RANBP10: variants seen among roughly 807,000 people sequenced by gnomAD.
RANBP10 encodes the protein RAN binding protein 10, also known as ran-binding protein 10.
RANBP10 carries 24 observed loss-of-function variants against 72.8 expected under a neutral mutation model. The observed-to-expected ratio is 0.33, with a 90% CI of 0.24 to 0.46. The LOEUF is 0.46. Ranked by LOEUF, RANBP10 falls within the 20% of genes least tolerant of loss-of-function variation. The pLI is 1.00. For missense variants in RANBP10, 679 were observed against 817.5 expected, an observed-to-expected ratio of 0.83 and a Z score of 2.07; for synonymous variants, 310 against 322.3, an observed-to-expected ratio of 0.96 and a Z score of 0.41.
At chr16:67,731,062 T>G (rs2053720741) in intron 7 of RANBP10, 1 of 212,594 alleles carries the variant, frequency 4.7e-6, no homozygotes. Context: ...TTGCCCTATC[T>G]GACCACTTCA....
Position 67,727,319 on chromosome 16 carries a change from T to A in RANBP10, c.1732+8A>T, listed in dbSNP as rs1248561135. ...TCTCTAATAATAATAATAAATAGAT[T>A]CACTCACCTAAAATGGCGCTGTTGA... On this transcript the variant is annotated splice_region_variant and intron_variant, in intron 13 of 13. Coordinates refer to ENST00000317506, the MANE Select transcript of RANBP10 (RefSeq NM_020850.3). The A allele has an allele frequency of 6.2e-7, 1 of 1,601,416 alleles. No individual in the cohort carries two copies. The highest frequency in any genetic ancestry group is 8.5e-7 in the Non-Finnish European group (1 of 1,174,618).
At chr16:67,783,180 G>GC (rs899948633) in intron 2 of RANBP10, among the ~76,000 whole-genome samples, 2 of 152,090 alleles carry the variant, frequency 1.3e-5, no homozygotes, top group African/African-American at 4.8e-5. Context: ...GAGCACACAC[G>GC]CAGGAGACCC....
intron 2 of RANBP10, among the ~76,000 whole-genome samples, chr16:67,779,258 G>A (rs957858099): frequency 6.6e-6 from 1 of 152,054 alleles, no homozygotes; most frequent in African/African-American, 2.4e-5. Context: ...AACCAGACAT[G>A]GTAGTGCACA....
chr16:67,739,251 C>T lies in RANBP10; in HGVS notation c.569-1216G>A, dbSNP rs189087913. Among the ~76,000 whole-genome samples, 184 of 152,332 alleles carry T rather than the reference C, an allele frequency of 1.2e-3. 8 individuals are homozygous for T. In the East Asian group the frequency reaches 0.026, roughly 22 times the overall value. ...AAAGTGCTGGGATTACAGGTGTGAG[C>T]TACCGCACCTCGCCCCTTTTCCATC... On this transcript the variant is annotated intron_variant, in intron 4 of 13. Transcript: ENST00000317506.
chr16:67,793,198 AAGCATAGCAGTGTGTG>A (rs2055061282), intron 2 of RANBP10, among the ~76,000 whole-genome samples: 3 of 152,088 alleles, frequency 2.0e-5, no homozygotes, highest in Admixed American at 6.6e-5. Context: ...TGAAGCACAC[AAGCATAGCAGTGTGTG>A]AACACCACAA....
intron 3 of RANBP10, among the ~76,000 whole-genome samples, chr16:67,754,797 G>A (rs1208341537): frequency 6.6e-6 from 1 of 152,172 alleles, no homozygotes; most frequent in African/African-American, 2.4e-5. Flanking sequence ...TGTTCTTCCC[G>A]TGATAGGCCC....
At chr16:67,754,878 G>T (rs964127576) in intron 3 of RANBP10, among the ~76,000 whole-genome samples, 1 of 152,300 alleles carries the variant, frequency 6.6e-6, no homozygotes, top group Admixed American at 6.5e-5. Flanking sequence ...GAGGGAGTAG[G>T]CATGGTTGTC....
At chr16:67,787,847 A>C (rs2054944112) in intron 2 of RANBP10, among the ~76,000 whole-genome samples, 1 of 151,884 alleles carries the variant, frequency 6.6e-6, no homozygotes, top group Admixed American at 6.6e-5. Context: ...GAAAAAAAAA[A>C]ATTTTTTTTT....
intron 3 of RANBP10, among the ~76,000 whole-genome samples, chr16:67,753,571 T>C (rs2054235059): frequency 6.6e-6 from 1 of 152,152 alleles, no homozygotes; most frequent in Non-Finnish European, 1.5e-5. Context: ...GGGTAGTCAA[T>C]TGAGTTCTTG....
In RANBP10 at chr16:67,729,255, G is replaced by A. The variant is rs549288190; in HGVS notation, c.1352+25C>T. 2.1e-4 allele frequency: 332 copies of A among 1,609,594 alleles called. 7 individuals carry two copies. The South Asian group carries it at 3.5e-3, about 17-fold the overall frequency. On this transcript the variant is annotated intron_variant, in intron 10 of 13. Coordinates refer to ENST00000317506, the MANE Select transcript of RANBP10 (RefSeq NM_020850.3). This position sits in a 1 kb window ranked among gnomAD's most constrained non-coding sequence, Gnocchi z 7.1. ...CAGCTGGCATAAGGCAGAAGGCAGA[G>A]GAGGAAGCAGAGCAAGGCAGGCACC...
At position 67,731,253 on chromosome 16, in the gene RANBP10, G is replaced by A. The variant is rs2053724123; in HGVS notation, c.889+219C>T. On this transcript the variant is annotated intron_variant, in intron 7 of 13. Transcript: ENST00000317506. ...GGCCTGCGCCCAGCCTTCAGAATGT[G>A]CATTAGGGAGGCTGCCCTGAGACGT... is the stretch of plus-strand genomic sequence containing the variant. 24 of 506,674 alleles carry A rather than the reference G, an allele frequency of 4.7e-5. 1 individual carries two copies. In the South Asian group the frequency reaches 5.0e-4, roughly 11 times the overall value. The allele number at this position is 506,674 out of a possible 1,614,324, so 31.4% of individuals were successfully genotyped here.
At position 67,729,314 on chromosome 16, in the gene RANBP10, G is replaced by A. The variant is rs754350542; in HGVS notation, c.1318C>T (p.Gln440Ter). ...TGGTTACTGGTACTGCTGTGGTGCT[G>A]GGACTTGGTGGAGTCTGTTGAGTTG... The part of the protein sequence containing the change: ...ESNSTDSTKS[Q>*]HHSSTSNQET... Residue 440 changes from glutamine to a stop codon, truncating the protein, a stop_gained, in exon 10 of 14, where the codon CAG becomes TAG. Coordinates refer to ENST00000317506, the MANE Select transcript of RANBP10 (RefSeq NM_020850.3). LOFTEE classifies it high-confidence loss of function. The surrounding 1 kb of genome is among the most constrained non-coding windows in gnomAD (Gnocchi z 7.1). 1.9e-6 allele frequency: 3 copies of A among 1,612,576 alleles called. No individual in the cohort carries two copies. The highest frequency in any genetic ancestry group is 2.5e-6 in the Non-Finnish European group (3 of 1,179,610).
chr16:67,763,410 G>T (rs1156492799), intron 3 of RANBP10: 3 of 152,284 alleles, frequency 2.0e-5, no homozygotes, highest in African/African-American at 7.2e-5. Flanking sequence ...CGAGGATCCG[G>T]TTTTTGCAGG....
chr16:67,806,529 G>A lies in RANBP10; in HGVS notation c.8C>T (p.Ala3Val). MA[A>V]ATADPGAGNP... ...CCCAGCTCCCGGGTCTGCCGTCGCT[G>A]CCGCCATCTTGGAGGGAGCTACTAT... Residue 3 changes from alanine (A) to valine (V), a missense_variant, in exon 1 of 14, where the codon GCA becomes GTA. Ala to Val is a moderately conservative substitution (Grantham distance 64). Coordinates refer to ENST00000317506, the MANE Select transcript of RANBP10 (RefSeq NM_020850.3). 3.3e-6 allele frequency: 5 copies of A among 1,507,094 alleles called. No homozygotes were observed. Among genetic ancestry groups the A allele is most frequent in the African/African-American group, 1.4e-5 (1 of 71,758 alleles). The allele number at this position is 1,507,094 out of a possible 1,614,324, so 93.4% of individuals were successfully genotyped here. A position where few individuals can be genotyped will look rare whatever the true frequency, so the allele number is the denominator to read the frequency against.
rs1467911275 is a variant in RANBP10, at chr16:67,727,316, G to T, written c.1732+11C>A. 7 of 1,599,874 alleles carry T rather than the reference G, an allele frequency of 4.4e-6. No individual in the cohort carries two copies. Among genetic ancestry groups the T allele is most frequent in the Non-Finnish European group, 5.1e-6 (6 of 1,173,252 alleles). ...CTGTCTCTAATAATAATAATAAATA[G>T]ATTCACTCACCTAAAATGGCGCTGT... On this transcript the variant is annotated intron_variant, in intron 13 of 13. Coordinates refer to ENST00000317506, the MANE Select transcript of RANBP10 (RefSeq NM_020850.3).
chr16:67,788,892 T>A (rs1252872936), intron 2 of RANBP10, among the ~76,000 whole-genome samples: 1 of 148,852 alleles, frequency 6.7e-6, no homozygotes, highest in Non-Finnish European at 1.5e-5. Flanking sequence ...CCCAGCTACT[T>A]GGGAGGCTGA....
intron 3 of RANBP10, among the ~76,000 whole-genome samples, chr16:67,755,083 G>A (rs2054262775): frequency 6.6e-6 from 1 of 152,100 alleles, no homozygotes; most frequent in Admixed American, 6.5e-5. Context: ...TGATGGTGAA[G>A]CCACCTCCTC....
intron 1 of RANBP10, 80 bp from the exon 2 acceptor site, chr16:67,805,619 T>C (rs1040845108): frequency 1.8e-6 from 2 of 1,139,958 alleles, no homozygotes; most frequent in East Asian, 2.5e-5. Flanking sequence ...AACTCCTCCA[T>C]GACAACTCCA....
At chr16:67,800,893 C>T (rs2055224176) in intron 2 of RANBP10, among the ~76,000 whole-genome samples, 1 of 152,172 alleles carries the variant, frequency 6.6e-6, no homozygotes. Flanking sequence ...CAGGCTCTGC[C>T]TCCTCTTGCA....
Sources: allele counts gnomAD v4.1 joint callset (sites outside exome capture counted in the v4.1 genomes callset), GRCh38; gene constraint gnomAD v4.1.1; non-coding constraint Gnocchi (gnomAD v3.1); transcripts MANE v1.5; gene names NCBI Gene and HGNC (gene_info 2026-07-23, HGNC 2026-07-21).